The following RSBN1L variants were observed in gnomAD, a reference collection of about 807,000 sequenced individuals.
RSBN1L encodes lysine-specific demethylase RSBN1L.
RSBN1L carries 30 observed loss-of-function variants against 67.7 expected under a neutral mutation model. The ratio of observed to expected loss-of-function variants is 0.44; its 90% CI spans 0.33 to 0.60. The LOEUF (loss-of-function observed/expected upper bound fraction) is 0.60. Among genes scored for constraint, RSBN1L ranks in the 20% least tolerant of loss-of-function variants. The pLI is 0.02. For missense variants in RSBN1L, 992 were observed against 1,031.7 expected (o/e 0.96, Z 0.53); for synonymous variants, 433 against 387.0 (o/e 1.12, Z -1.39).
At chr7:77,765,720 C>A in intron 4 of RSBN1L, 88 bp downstream of exon 4, 1 of 992,016 alleles carries the variant, frequency 1.0e-6, no homozygotes, top group Middle Eastern at 2.6e-4. Context: ...GTGATTGTTT[C>A]TTTCATGCTA....
chr7:77,696,518 A>G lies in RSBN1L; in HGVS notation c.49A>G (p.Thr17Ala). The change falls in exon 1 of 8, where the codon ACC becomes GCC. Residue 17 changes from threonine (T) to alanine (A), a missense_variant. This residue lies in a region of RSBN1L where 575 missense variants were observed against 483.2 expected (regional missense o/e 1.19). Coordinates refer to ENST00000334955, the MANE Select transcript of RSBN1L (RefSeq NM_198467.3). The part of the protein sequence containing the change: ...PVHCVAAAAP[T>A]ATVSEKEPFG... ...GCACTGTGTCGCTGCCGCGGCCCCC[A>G]CCGCCACCGTCTCGGAGAAAGAACC... is the stretch of plus-strand genomic sequence containing the variant. 6.2e-7 allele frequency: 1 copy of G among 1,613,364 alleles called. No homozygotes were observed. The highest frequency in any genetic ancestry group is 1.1e-5 in the South Asian group (1 of 91,040).
intron 2 of RSBN1L, among the ~76,000 whole-genome samples, chr7:77,746,759 G>T (rs1341205625): frequency 6.6e-6 from 1 of 152,180 alleles, no homozygotes; most frequent in Non-Finnish European, 1.5e-5. Flanking sequence ...TATAGGCATT[G>T]AGTAAATACT....
intron 1 of RSBN1L, among the ~76,000 whole-genome samples, chr7:77,711,742 AGTAATT>A (rs1790977610): frequency 6.6e-6 from 1 of 152,212 alleles, no homozygotes; most frequent in African/African-American, 2.4e-5. Context: ...TGGCATTTTG[AGTAATT>A]GTTCTGTGTT....
In RSBN1L at chr7:77,697,006, C is replaced by T. The variant is rs1394295373; in HGVS notation, c.537C>T (p.Ala179=). 7 of 1,529,952 alleles carry T rather than the reference C, an allele frequency of 4.6e-6. 1 individual carries two copies. In the South Asian group the frequency reaches 6.0e-5, roughly 13 times the overall value. 94.8% of individuals were successfully genotyped at this position (1,529,952 alleles called of 1,614,324 possible). ...RRHGLGGARE[A]GGASREENGE... ...ACGGTCTCGGTGGGGCCCGAGAGGC[C>T]GGCGGGGCCTCCCGGGAGGAGAACG... Residue 179 remains alanine (A), a synonymous_variant, in exon 1 of 8, where the codon GCC becomes GCT. Transcript: ENST00000334955.
intron 3 of RSBN1L, among the ~76,000 whole-genome samples, chr7:77,758,031 T>C (rs1381308124): frequency 3.9e-5 from 6 of 152,170 alleles, no homozygotes; most frequent in Non-Finnish European, 7.4e-5. Flanking sequence ...AGAGTGAGAC[T>C]CCATCTCAAA....
At chr7:77,763,759 GAC>G (rs1791726528) in intron 3 of RSBN1L, among the ~76,000 whole-genome samples, 1 of 152,056 alleles carries the variant, frequency 6.6e-6, no homozygotes, top group Non-Finnish European at 1.5e-5. Context: ...GTGGCCTGAT[GAC>G]AGCTCACTGC....
chr7:77,750,097 T>TA (rs1791534760), intron 3 of RSBN1L, 33 bp downstream of exon 3: 6 of 1,292,602 alleles, frequency 4.6e-6, no homozygotes, highest in Non-Finnish European at 6.1e-6. Flanking sequence ...AAATAACTTT[T>TA]AATTATATAT....
chr7:77,745,557 G>A (rs1434669899), intron 2 of RSBN1L, among the ~76,000 whole-genome samples: 1 of 152,146 alleles, frequency 6.6e-6, no homozygotes, highest in Non-Finnish European at 1.5e-5. Context: ...AGTGATTTCA[G>A]TTCTAATTTG....
At chr7:77,774,159 T>C (rs1297450399) in intron 6 of RSBN1L, among the ~76,000 whole-genome samples, 1 of 152,256 alleles carries the variant, frequency 6.6e-6, no homozygotes, top group African/African-American at 2.4e-5. Context: ...TTTCCAGCTT[T>C]GCTTACAAGT....
At chr7:77,762,013 A>G (rs915589473) in intron 3 of RSBN1L, among the ~76,000 whole-genome samples, 1 of 152,108 alleles carries the variant, frequency 6.6e-6, no homozygotes, top group African/African-American at 2.4e-5. Flanking sequence ...ATAAAGGCCA[A>G]TTTCCTAATA....
chr7:77,759,852 T>C (rs1048439105), intron 3 of RSBN1L: 1 of 152,176 alleles, frequency 6.6e-6, no homozygotes, highest in Non-Finnish European at 1.5e-5. Context: ...ATAAGTAATA[T>C]TTGTTTGCAG....
chr7:77,712,876 TA>T (rs1562794872), intron 1 of RSBN1L, among the ~76,000 whole-genome samples: 1 of 152,168 alleles, frequency 6.6e-6, no homozygotes, highest in African/African-American at 2.4e-5. Context: ...AGTTGAATTA[TA>T]GGGGGTAAGG....
At position 77,739,739 on chromosome 7, in the gene RSBN1L, C is replaced by CTTTTTTTTTTTTT. The variant is rs1173154183; in HGVS notation, c.703+3230_703+3242dup. On this transcript the variant is annotated intron_variant, in intron 2 of 7. Coordinates refer to ENST00000334955, the MANE Select transcript of RSBN1L (RefSeq NM_198467.3). The stretch of plus-strand genomic sequence containing the variant: ...AAAAAAAAAAAAAAAAAAAATGTGT[C>CTTTTTTTTTTTTT]TTTTTTTTTTTTTTTTTTTTTTTTT... 1.6e-4 allele frequency among the ~76,000 whole-genome samples: 7 copies of CTTTTTTTTTTTTT among 42,686 alleles called. 1 individual carries two copies. The highest frequency in any genetic ancestry group is 2.9e-4 in the African/African-American group (3 of 10,480). 28.0% of individuals were successfully genotyped at this position (42,686 alleles called of 152,430 possible). A position where few individuals can be genotyped will look rare whatever the true frequency, so the allele number is the denominator to read the frequency against.
At chr7:77,714,874 A>G (rs1584277715) in intron 1 of RSBN1L, among the ~76,000 whole-genome samples, 1 of 151,198 alleles carries the variant, frequency 6.6e-6, no homozygotes, top group Non-Finnish European at 1.5e-5. Flanking sequence ...GAGGCAGGAG[A>G]ATGGCGTGAA....
intron 4 of RSBN1L, among the ~76,000 whole-genome samples, chr7:77,766,355 T>A (rs761468934): frequency 2.0e-5 from 3 of 152,134 alleles, no homozygotes; most frequent in Non-Finnish European, 4.4e-5. Context: ...CAGCTAACTT[T>A]TGTATTTTTT....
At chr7:77,713,632 A>G (rs1395236904) in intron 1 of RSBN1L, among the ~76,000 whole-genome samples, 1 of 151,050 alleles carries the variant, frequency 6.6e-6, no homozygotes, top group East Asian at 1.9e-4. Context: ...CTGGGATTAC[A>G]GGCGTGAGCC....
At chr7:77,716,006 AC>A (rs1791043706) in intron 1 of RSBN1L, among the ~76,000 whole-genome samples, 1 of 152,192 alleles carries the variant, frequency 6.6e-6, no homozygotes, top group Admixed American at 6.5e-5. Flanking sequence ...TTTATCAGAT[AC>A]ATGTTTTGCA....
chr7:77,740,718 T>C (rs1791397261), intron 2 of RSBN1L, among the ~76,000 whole-genome samples: 1 of 152,200 alleles, frequency 6.6e-6, no homozygotes. Flanking sequence ...AAAGTTTTTT[T>C]TTATTTTTCT....
intron 2 of RSBN1L, among the ~76,000 whole-genome samples, chr7:77,739,310 G>T (rs539941196): frequency 2.6e-5 from 4 of 152,202 alleles, no homozygotes; most frequent in African/African-American, 9.6e-5. Flanking sequence ...TAATGATAAT[G>T]TTGCAAGCTG....
Sources: gnomAD v4.1 joint callset for allele counts (sites outside exome capture counted in the v4.1 genomes callset) on GRCh38, gnomAD v4.1.1 for gene constraint, gnomAD v4.1.1 regional missense constraint, MANE v1.5 for transcripts, NCBI Gene and HGNC (gene_info 2026-07-23, HGNC 2026-07-21) for gene names.